The following ZNF407 variants were observed in gnomAD, a reference collection of about 807,000 sequenced individuals.
ZNF407 encodes zinc finger protein 407.
Under a neutral mutation model 131.2 loss-of-function variants are expected in ZNF407, and 17 were observed. That is an observed-to-expected ratio of 0.13 (90% CI 0.09 to 0.19). The LOEUF (loss-of-function observed/expected upper bound fraction) is 0.19, where lower values mean the gene tolerates loss of function less well. ZNF407 is among the 10% of genes least tolerant of loss of function. The pLI is 1.00. For missense variants in ZNF407, 2,681 were observed against 2,830.6 expected, an observed-to-expected ratio of 0.95 and a Z score of 1.20; for synonymous variants, 1,156 against 1,062.0, an observed-to-expected ratio of 1.09 and a Z score of -1.72.
At chr18:74,778,063 A>T (rs2145018023) in intron 3 of ZNF407, among the ~76,000 whole-genome samples, 1 of 152,330 alleles carries the variant, frequency 6.6e-6, no homozygotes, top group African/African-American at 2.4e-5. Flanking sequence ...AGCAAAAGTA[A>T]GTTGGACAAG....
intron 8 of ZNF407, among the ~76,000 whole-genome samples, chr18:75,038,352 G>A (rs1317812008): frequency 1.3e-5 from 2 of 152,146 alleles, no homozygotes; most frequent in Non-Finnish European, 2.9e-5. Context: ...TTCCACGGGA[G>A]GTGAATACAG....
chr18:75,039,962 A>G (rs1350725679), intron 8 of ZNF407, among the ~76,000 whole-genome samples: 1 of 152,046 alleles, frequency 6.6e-6, no homozygotes, highest in Non-Finnish European at 1.5e-5. Flanking sequence ...TTGGCTGGGT[A>G]TGACAGAGAG....
chr18:74,615,424 G>A (rs1316882583), intron 1 of ZNF407, among the ~76,000 whole-genome samples: 2 of 152,196 alleles, frequency 1.3e-5, no homozygotes, highest in Non-Finnish European at 2.9e-5. Flanking sequence ...AGAATTGCTT[G>A]AACCCGGGGG....
chr18:74,617,394 C>T (rs960011047), intron 1 of ZNF407, among the ~76,000 whole-genome samples: 1,722 of 152,304 alleles, frequency 0.011, 28 homozygotes, highest in African/African-American at 0.037. Context: ...CTCCTGCCAG[C>T]ACAGGGTCCA....
chr18:74,898,847 T>C lies in ZNF407; in HGVS notation c.5249+8809T>C, dbSNP rs1015242097. ...ATAAATTTCAAATTTTGTGCTTAAA[T>C]ATGGAAATTAATATTTTGGATTGAA... On this transcript the variant is annotated intron_variant, in intron 7 of 8. Transcript: ENST00000299687. Among the ~76,000 whole-genome samples the C allele has an allele frequency of 4.5e-4, 68 of 152,358 alleles. 1 individual carries two copies. The highest frequency in any genetic ancestry group is 1.5e-3 in the African/African-American group (63 of 41,582).
intron 3 of ZNF407, among the ~76,000 whole-genome samples, chr18:74,714,704 C>G (rs1162297823): frequency 6.6e-6 from 1 of 152,128 alleles, no homozygotes; most frequent in East Asian, 1.9e-4. Flanking sequence ...TTAGTATTAT[C>G]ATATGTGGGT....
chr18:74,622,320 G>A (rs945706820), intron 1 of ZNF407, among the ~76,000 whole-genome samples: 1 of 152,192 alleles, frequency 6.6e-6, no homozygotes, highest in Non-Finnish European at 1.5e-5. Flanking sequence ...GTCAGCTGAC[G>A]TGACAGATGA....
rs1286926766 is a variant in ZNF407 at position 74,782,878 on chromosome 18, C to T, written c.4877+1376C>T. ...TCGTGATCCCAAAGTGCTGGGATTA[C>T]AGGCTTGAGCGACCGTGCCCGGCCT... On this transcript the variant is annotated intron_variant, in intron 4 of 8. Transcript: ENST00000299687. Among the ~76,000 whole-genome samples the T allele has an allele frequency of 2.0e-5, 3 of 152,280 alleles. No individual in the cohort carries two copies. In the East Asian group the frequency reaches 5.8e-4, roughly 29 times the overall value.
chr18:75,055,913 GTA>G (rs1973556689), intron 8 of ZNF407, among the ~76,000 whole-genome samples: 1 of 152,166 alleles, frequency 6.6e-6, no homozygotes, highest in Admixed American at 6.5e-5. Flanking sequence ...GTATTTGAAT[GTA>G]TGTGAAAGAA....
At chr18:74,806,771 T>G (rs1255666796) in intron 4 of ZNF407, among the ~76,000 whole-genome samples, 1 of 152,220 alleles carries the variant, frequency 6.6e-6, no homozygotes, top group African/African-American at 2.4e-5. Context: ...GGAATAATAC[T>G]CCCTTTAGAA....
intron 1 of ZNF407, among the ~76,000 whole-genome samples, chr18:74,613,826 A>G (rs1175186513): frequency 1.3e-5 from 2 of 152,212 alleles, no homozygotes; most frequent in African/African-American, 2.4e-5. Context: ...TAGTTGTTTT[A>G]AAGAAAAACA....
chr18:74,633,017 A>G lies in ZNF407; in HGVS notation c.1998A>G (p.Leu666=). The change falls in exon 2 of 9, where the codon TTA becomes TTG. Residue 666 remains leucine (L), a synonymous_variant. Coordinates refer to ENST00000299687, the MANE Select transcript of ZNF407 (RefSeq NM_017757.3). ...TACAGACTTTACCTTTGAGTACTTT[A>G]GAATCAGAAAACGCAAAAGAGTCTA... The part of the protein sequence containing the change: ...LVLQTLPLST[L]ESENAKESMD... The G allele has an allele frequency of 6.2e-7, 1 of 1,613,920 alleles. No individual in the cohort carries two copies. Among genetic ancestry groups the G allele is most frequent in the Non-Finnish European group, 8.5e-7 (1 of 1,179,894 alleles).
intron 3 of ZNF407, among the ~76,000 whole-genome samples, chr18:74,756,218 G>A (rs1181134144): frequency 2.0e-5 from 3 of 151,854 alleles, no homozygotes; most frequent in African/African-American, 7.3e-5. Context: ...TGCTATTATC[G>A]CACCTTGATT....
rs558590532 is a variant in ZNF407, at chr18:74,868,115, A to G, written c.4878-9082A>G. Among the ~76,000 whole-genome samples the G allele has an allele frequency of 2.6e-4, 39 of 152,330 alleles. No individual in the cohort carries two copies. In the South Asian group the frequency reaches 5.0e-3, roughly 19 times the overall value. On this transcript the variant is annotated intron_variant, in intron 4 of 8. Transcript: ENST00000299687. ...TAATGTCATCTTAAAAGTTATTAAA[A>G]CATTTTCCATTGACATGCAAAGGAA...
chr18:74,670,773 G>T (rs1007647666), intron 3 of ZNF407, among the ~76,000 whole-genome samples: 1 of 152,104 alleles, frequency 6.6e-6, no homozygotes, highest in Non-Finnish European at 1.5e-5. Context: ...TAACTCCTGG[G>T]TCCTGCCTCA....
chr18:75,029,675 G>C (rs540979809), intron 8 of ZNF407, among the ~76,000 whole-genome samples: 1 of 152,258 alleles, frequency 6.6e-6, no homozygotes, highest in Non-Finnish European at 1.5e-5. Context: ...GGGGCAGGAA[G>C]TGCTTCGTTT....
intron 8 of ZNF407, among the ~76,000 whole-genome samples, chr18:75,049,667 T>G (rs570965173): frequency 2.2e-4 from 33 of 152,200 alleles, no homozygotes; most frequent in Non-Finnish European, 4.9e-4. Flanking sequence ...CTGTTCCCCA[T>G]TTTGCCTTCT....
rs778302343 is a variant in ZNF407, at chr18:75,063,108, G to A, written c.5429-42G>A. The A allele has an allele frequency of 4.0e-6, 6 of 1,497,878 alleles. No individual in the cohort carries two copies. Among genetic ancestry groups the A allele is most frequent in the African/African-American group, 1.4e-5 (1 of 71,324 alleles). The allele number at this position is 1,497,878 out of a possible 1,614,324, so 92.8% of individuals were successfully genotyped here. A position where few individuals can be genotyped will look rare whatever the true frequency, so the allele number is the denominator to read the frequency against. ...AGAAGTGTCTTACTTGTAAGCCTAC[G>A]AGTACTTTTTCCAGGCTCTAACTGG... On this transcript the variant is annotated intron_variant, in intron 8 of 8. Transcript: ENST00000299687. This position sits in a 1 kb window ranked among gnomAD's most constrained non-coding sequence, Gnocchi z 6.6.
intron 3 of ZNF407, among the ~76,000 whole-genome samples, chr18:74,644,168 T>C (rs930745878): frequency 1.3e-5 from 2 of 150,906 alleles, no homozygotes; most frequent in Non-Finnish European, 3.0e-5. Context: ...CTTTCACTTT[T>C]GGGGGAATCT....
Sources: allele counts gnomAD v4.1 joint callset (sites outside exome capture counted in the v4.1 genomes callset), GRCh38; gene constraint gnomAD v4.1.1; non-coding constraint Gnocchi (gnomAD v3.1); transcripts MANE v1.5; gene names NCBI Gene and HGNC (gene_info 2026-07-23, HGNC 2026-07-21).